The following IFT27 variants were observed in gnomAD, a reference collection of about 807,000 sequenced individuals.
The protein encoded by IFT27 is intraflagellar transport 27.
A neutral mutation model predicts 23.9 loss-of-function variants in IFT27; 19 were observed. That is an observed-to-expected ratio of 0.79 (90% confidence interval 0.55 to 1.16). The LOEUF is 1.16. Ranked by LOEUF, IFT27 falls within the 50% of genes most tolerant of loss-of-function variation. The probability of loss-of-function intolerance (pLI) is 0.00; values close to 1 mark genes in which losing one functional copy is unlikely to be tolerated. For synonymous variants in IFT27, 91 were observed against 89.1 expected (o/e 1.02, Z -0.12); for missense variants, 206 against 228.7 (o/e 0.90, Z 0.64).
intron 5 of IFT27, chr22:36,763,709 C>A: frequency 1.5e-6 from 1 of 653,804 alleles, no homozygotes; most frequent in Non-Finnish European, 2.8e-6. Context: ...TGCGTGTCCT[C>A]ATTCCCGTTT....
At chr22:36,758,668 G>A in intron 6 of IFT27, 1 of 492,334 alleles carries the variant, frequency 2.0e-6, no homozygotes, top group South Asian at 2.3e-5. Context: ...ACCCATGTCT[G>A]TTTCTACAAA....
intron 1 of IFT27, among the ~76,000 whole-genome samples, chr22:36,775,134 C>T (rs903861756): frequency 6.6e-6 from 1 of 152,050 alleles, no homozygotes; most frequent in East Asian, 1.9e-4. Flanking sequence ...GGAGACTCAA[C>T]ATTTATGCCC....
At chr22:36,774,328 C>T (rs375323539) in intron 1 of IFT27, among the ~76,000 whole-genome samples, 2 of 152,184 alleles carry the variant, frequency 1.3e-5, no homozygotes, top group African/African-American at 4.8e-5. Context: ...CTCTTTTTCT[C>T]TATATAATTT....
Position 36,760,046 on chromosome 22 carries a change from G to T in IFT27, c.463-1637C>A, listed in dbSNP as rs921393271. The T allele has an allele frequency of 2.0e-5, 3 of 152,256 alleles. No individual in the cohort carries two copies. In the East Asian group the frequency reaches 5.8e-4, roughly 29 times the overall value. 9.4% of individuals were successfully genotyped at this position (152,256 alleles called of 1,614,324 possible). On this transcript the variant is annotated intron_variant, in intron 6 of 6. Coordinates refer to ENST00000433985, the MANE Select transcript of IFT27 (RefSeq NM_001177701.3). ...CCGAGGAAAGAGTGGAGAGTTTGTA[G>T]CCAAGACGAACATTTATAGTAAGCT... is the stretch of plus-strand genomic sequence containing the variant.
At chr22:36,766,674 GGT>G (rs900575128) in intron 3 of IFT27, among the ~76,000 whole-genome samples, 4 of 152,190 alleles carry the variant, frequency 2.6e-5, no homozygotes, top group African/African-American at 9.7e-5. Context: ...GGATGGCTAA[GGT>G]GTGAGGCAGA....
At chr22:36,775,204 T>G (rs549013274) in intron 1 of IFT27, among the ~76,000 whole-genome samples, 8 of 152,160 alleles carry the variant, frequency 5.3e-5, no homozygotes, top group African/African-American at 1.9e-4. Flanking sequence ...AAGTGCCTTT[T>G]GCAAACTCTG....
At position 36,775,703 on chromosome 22, in the gene IFT27, A is replaced by T; in HGVS notation, c.5T>A (p.Val2Glu). 1 of 1,614,092 alleles carries T rather than the reference A, an allele frequency of 6.2e-7. No individual in the cohort carries two copies. Among genetic ancestry groups the T allele is most frequent in the South Asian group, 1.1e-5 (1 of 91,072 alleles). Residue 2 changes from valine (V) to glutamate (E), a missense_variant, in exon 1 of 7, where the codon GTG becomes GAG. By Grantham distance (121) the Val-to-Glu change is moderately radical (BLOSUM62 -2). Transcript: ENST00000433985. M[V>E]KLAAKCILAG... ...CAGGATGCATTTGGCTGCCAGCTTC[A>T]CCATGGTAACCAACACTCCCGCGAG...
intron 1 of IFT27, among the ~76,000 whole-genome samples, chr22:36,775,356 GTTTGT>G (rs145289357): frequency 0.05 from 7,590 of 152,198 alleles, 263 homozygotes; most frequent in South Asian, 0.088. Context: ...CTTAAGCTTT[GTTTGT>G]TTTGTTTTGT....
At chr22:36,766,572 G>A in intron 3 of IFT27, 1 of 276,246 alleles carries the variant, frequency 3.6e-6, no homozygotes, top group Non-Finnish European at 7.1e-6. Context: ...TAACCAAATT[G>A]ATTTTCAAAT....
rs1938492329 is a variant in IFT27, at chr22:36,775,959, C to T, written c.-252G>A. On this transcript the variant is annotated 5_prime_UTR_variant, in exon 1 of 7. It adds an upstream start codon to the 5' untranslated region. Transcript: ENST00000433985. ...GGTGGGCCCGGCTCGAGGCCTGACA[C>T]GGCAGTCTGAAAAGGTGCAAGCGAG... 3.4e-6 allele frequency: 2 copies of T among 589,338 alleles called. No individual in the cohort carries two copies. Among genetic ancestry groups the T allele is most frequent in the African/African-American group, 3.7e-5 (2 of 53,434 alleles). The allele number at this position is 589,338 out of a possible 1,614,324, so 36.5% of individuals were successfully genotyped here. A position where few individuals can be genotyped will look rare whatever the true frequency, so the allele number is the denominator to read the frequency against.
At chr22:36,772,727 C>T in intron 1 of IFT27, 2 of 985,084 alleles carry the variant, frequency 2.0e-6, no homozygotes, top group Non-Finnish European at 2.4e-6. Context: ...AGTATCTGTT[C>T]AATGCATAAA....
At chr22:36,767,547 C>T (rs1938285990) in intron 2 of IFT27, among the ~76,000 whole-genome samples, 182 bp from the exon 3 acceptor site, 3 of 152,174 alleles carry the variant, frequency 2.0e-5, no homozygotes, top group Admixed American at 6.5e-5. Flanking sequence ...TAGTCCTCTC[C>T]ACCTCCCTGC....
intron 4 of IFT27, among the ~76,000 whole-genome samples, chr22:36,764,663 G>A (rs1222394147): frequency 2.0e-5 from 3 of 152,220 alleles, no homozygotes; most frequent in African/African-American, 7.2e-5. Flanking sequence ...GGCACTTTCT[G>A]CTTCTCTTGC....
At chr22:36,770,960 C>T (rs542313139) in intron 1 of IFT27, among the ~76,000 whole-genome samples, 112 of 152,310 alleles carry the variant, frequency 7.4e-4, no homozygotes, top group African/African-American at 2.6e-3. Context: ...GGAGAGGACA[C>T]TGCTCTTCCC....
Position 36,764,423 on chromosome 22 carries a change from G to A in IFT27, c.235-387C>T, listed in dbSNP as rs537176377. On this transcript the variant is annotated intron_variant, in intron 4 of 6. Coordinates refer to ENST00000433985, the MANE Select transcript of IFT27 (RefSeq NM_001177701.3). ...GACAGGCTTTAAAAACAAAGACAAC[G>A]ATGACAGAGATGGGGGACGACTGAG... Among the ~76,000 whole-genome samples, 85 of 152,344 alleles carry A rather than the reference G, an allele frequency of 5.6e-4. No homozygotes were observed. The Middle Eastern group carries it at 0.024, about 43-fold the overall frequency.
chr22:36,766,296 G>T (rs890590688), intron 3 of IFT27, 99 bp from the exon 4 acceptor site: 6 of 936,716 alleles, frequency 6.4e-6, no homozygotes, highest in Non-Finnish European at 1.0e-5. Context: ...TCTTAGGGGT[G>T]AAATACAGGC....
chr22:36,762,656 G>C (rs1442800105), intron 6 of IFT27: 2 of 366,728 alleles, frequency 5.5e-6, no homozygotes, highest in Non-Finnish European at 9.9e-6. Context: ...CGCACACAAA[G>C]CACTTGTATT....
intron 5 of IFT27, chr22:36,763,560 T>C: frequency 5.1e-6 from 2 of 389,004 alleles, no homozygotes; most frequent in South Asian, 2.2e-5. Context: ...CATTCAGAAG[T>C]GACAACAGGC....
At chr22:36,769,636 T>G (rs907549476) in intron 1 of IFT27, among the ~76,000 whole-genome samples, 5 of 152,170 alleles carry the variant, frequency 3.3e-5, no homozygotes, top group African/African-American at 1.2e-4. Context: ...ATTACAGAAG[T>G]GAGTTCTGAC....
Sources: allele counts gnomAD v4.1 joint callset (sites outside exome capture counted in the v4.1 genomes callset), GRCh38; gene constraint gnomAD v4.1.1; transcripts MANE v1.5; gene names NCBI Gene and HGNC (gene_info 2026-07-23, HGNC 2026-07-21).